Variants in ZNF81 observed in about 807,000 individuals in gnomAD.
ZNF81 encodes zinc finger protein 81 (HFZ20).
In ZNF81, 5 loss-of-function variants were observed where a neutral mutation model predicts 32.3. The observed-to-expected ratio is 0.15, with a 90% CI of 0.08 to 0.33. ZNF81 has a LOEUF of 0.33. Ranked by LOEUF, ZNF81 falls within the 10% of genes least tolerant of loss-of-function variation. ZNF81 has a pLI of 1.00. For synonymous variants in ZNF81, 163 were observed against 166.8 expected, an observed-to-expected ratio of 0.98 and a Z score of 0.17; for missense variants, 379 against 479.8, an observed-to-expected ratio of 0.79 and a Z score of 1.96.
At chrX:47,870,924 C>A (rs1329724034) in intron 2 of ZNF81, among the ~76,000 whole-genome samples, 2 of 112,122 alleles carry the variant, frequency 1.8e-5, no homozygotes, top group African/African-American at 6.5e-5. Context: ...TAAATAAAGA[C>A]CAAGGAGTAG....
At position 47,846,187 on chromosome X, in the gene ZNF81, C is replaced by A. The variant is rs191890392; in HGVS notation, c.-81C>A. On this transcript the variant is annotated 5_prime_UTR_variant, in exon 2 of 5. Transcript: ENST00000338637. ...TCTTCCTTCTGACCCCAGCAGTCCC[C>A]GTTGAGTCCACCGATCCCACTGGAA... is the stretch of plus-strand genomic sequence containing the variant. 2.7e-6 allele frequency: 3 copies of A among 1,101,966 alleles called. No individual in the cohort carries two copies. In the East Asian group the frequency reaches 9.5e-5, roughly 35 times the overall value. 90.8% of individuals were successfully genotyped at this position (1,101,966 alleles called of 1,213,427 possible). A position where few individuals can be genotyped will look rare whatever the true frequency, so the allele number is the denominator to read the frequency against.
Position 47,915,469 on chromosome X carries a change from A to T in ZNF81, c.823A>T (p.Thr275Ser). Residue 275 changes from threonine (T) to serine (S), a missense_variant, in exon 5 of 5, where the codon ACA (threonine) becomes TCA (serine). Around this residue, in one of 2 missense-constraint regions of ZNF81, gnomAD observed 277 missense variants for 306.6 expected, o/e 0.90. Transcript: ENST00000338637. ...VKFPIGEKAN[T>S]CTEFGKIFTQ... ...ATTTCCCATTGGAGAGAAAGCAAAC[A>T]CATGTACTGAATTTGGGAAGATCTT... 3 of 1,211,603 alleles carry T rather than the reference A, an allele frequency of 2.5e-6. No homozygotes were observed. The highest frequency in any genetic ancestry group is 3.4e-6 in the Non-Finnish European group (3 of 895,451).
At chrX:47,898,136 C>T (rs1373867962) in intron 4 of ZNF81, among the ~76,000 whole-genome samples, 1 of 111,286 alleles carries the variant, frequency 9.0e-6, no homozygotes, top group Non-Finnish European at 1.9e-5. Flanking sequence ...TTAAGATTGG[C>T]TAGTTTGGAT....
intron 3 of ZNF81, 70 bp downstream of exon 3, chrX:47,888,195 T>C (rs1334944164): frequency 2.6e-6 from 3 of 1,151,456 alleles, no homozygotes; most frequent in Middle Eastern, 5.5e-4. Flanking sequence ...AAATAAAATA[T>C]GTTGAAGTCC....
intron 1 of ZNF81, among the ~76,000 whole-genome samples, chrX:47,839,149 C>T (rs2058436684): frequency 9.0e-6 from 1 of 111,476 alleles, no homozygotes; most frequent in Admixed American, 9.5e-5. Flanking sequence ...ATTTCCTCCT[C>T]TTCTGTTTTC....
intron 2 of ZNF81, among the ~76,000 whole-genome samples, chrX:47,858,300 A>C (rs1344299699): frequency 8.9e-6 from 1 of 112,084 alleles, no homozygotes; most frequent in Non-Finnish European, 1.9e-5. Flanking sequence ...TTCCTTCCCC[A>C]AACTCACCCT....
chrX:47,851,036 T>C (rs1556881181), intron 2 of ZNF81, among the ~76,000 whole-genome samples: 1 of 111,711 alleles, frequency 9.0e-6, no homozygotes, highest in Admixed American at 9.6e-5. Flanking sequence ...GATTATTCAG[T>C]GTCACTACAT....
At chrX:47,873,823 T>C (rs1252316909) in intron 2 of ZNF81, among the ~76,000 whole-genome samples, 1 of 110,790 alleles carries the variant, frequency 9.0e-6, no homozygotes, top group Non-Finnish European at 1.9e-5. Flanking sequence ...TGTGCCACCA[T>C]GCCTGGCTAA....
chrX:47,918,180 G>A lies in ZNF81; in HGVS notation c.*1548G>A, dbSNP rs1374967456. 9.0e-6 allele frequency: 1 copy of A among 110,900 alleles called. No homozygotes were observed. The highest frequency in any genetic ancestry group is 1.9e-5 in the Non-Finnish European group (1 of 53,049). 9.1% of individuals were successfully genotyped at this position (110,900 alleles called of 1,213,427 possible). A position where few individuals can be genotyped will look rare whatever the true frequency, so the allele number is the denominator to read the frequency against. On this transcript the variant is annotated 3_prime_UTR_variant, in exon 5 of 5. Coordinates refer to ENST00000338637, the MANE Select transcript of ZNF81 (RefSeq NM_007137.5). ...AAAGAAATAACTGTTTCTTTGGCAA[G>A]CAGAATTCAGAAGAAATATGGAAAA...
intron 1 of ZNF81, among the ~76,000 whole-genome samples, chrX:47,843,265 A>C (rs1052164240): frequency 1.5e-4 from 17 of 111,506 alleles, no homozygotes; most frequent in Non-Finnish European, 3.2e-4. Context: ...CTTTTTGGCT[A>C]TTATGGATAA....
At chrX:47,886,194 C>T (rs2058641012) in intron 2 of ZNF81, among the ~76,000 whole-genome samples, 4 of 112,320 alleles carry the variant, frequency 3.6e-5, no homozygotes, top group African/African-American at 9.7e-5. Flanking sequence ...TGCATTTTCT[C>T]TTGAGCCTCT....
At chrX:47,854,729 C>T (rs1192721612) in intron 2 of ZNF81, among the ~76,000 whole-genome samples, 1 of 111,722 alleles carries the variant, frequency 9.0e-6, no homozygotes, top group Admixed American at 9.5e-5. Context: ...ATCTTCTATG[C>T]GCATGGTTCG....
rs2148046144 is a variant in ZNF81 at position 47,916,272 on chromosome X, T to C, written c.1626T>C (p.Asn542=). ...CCTTCACCGACAGGTCAAATTTCAA[T>C]AAACACCAGACCATTCACACTGGAG... ...GKAFTDRSNF[N]KHQTIHTGEK... is the part of the protein sequence containing the mutation. Residue 542 remains asparagine (N), a synonymous_variant, in exon 5 of 5, where the codon AAT becomes AAC. Transcript: ENST00000338637. 1.7e-6 allele frequency: 2 copies of C among 1,211,562 alleles called. No individual in the cohort carries two copies. Among genetic ancestry groups the C allele is most frequent in the East Asian group, 5.9e-5 (2 of 33,833 alleles).
intron 2 of ZNF81, among the ~76,000 whole-genome samples, chrX:47,863,688 T>A (rs2058549766): frequency 8.9e-6 from 1 of 112,003 alleles, no homozygotes; most frequent in African/African-American, 3.2e-5. Context: ...GCAAGAGGTG[T>A]TAGCTATGGT....
intron 2 of ZNF81, among the ~76,000 whole-genome samples, chrX:47,873,390 T>C (rs2058587524): frequency 9.0e-6 from 1 of 111,669 alleles, no homozygotes; most frequent in Admixed American, 9.5e-5. Context: ...TTCACTAGTT[T>C]CCACCCCTGA....
chrX:47,870,899 A>G (rs1306340258), intron 2 of ZNF81, among the ~76,000 whole-genome samples: 3 of 112,505 alleles, frequency 2.7e-5, no homozygotes, highest in Non-Finnish European at 5.6e-5. Flanking sequence ...TGTTGCTGAC[A>G]CAATACTAAC....
chrX:47,903,010 C>T (rs781964227), intron 4 of ZNF81, among the ~76,000 whole-genome samples: 3 of 112,158 alleles, frequency 2.7e-5, no homozygotes, highest in South Asian at 3.7e-4. Flanking sequence ...AATTCAACAA[C>T]CCTTAAGGCT....
intron 4 of ZNF81, among the ~76,000 whole-genome samples, chrX:47,906,818 A>T (rs1192994028): frequency 8.9e-6 from 1 of 112,856 alleles, no homozygotes; most frequent in Non-Finnish European, 1.9e-5. Flanking sequence ...CTCCACCTCA[A>T]AAAATAAAAT....
intron 4 of ZNF81, among the ~76,000 whole-genome samples, chrX:47,914,337 A>T (rs189229512): frequency 8.9e-6 from 1 of 112,217 alleles, no homozygotes; most frequent in Non-Finnish European, 1.9e-5. Flanking sequence ...AAATGAATTC[A>T]TATGTACAGT....
Sources: allele counts gnomAD v4.1 joint callset (sites outside exome capture counted in the v4.1 genomes callset), GRCh38; gene constraint gnomAD v4.1.1; regional missense constraint gnomAD v4.1.1; transcripts MANE v1.5; gene names NCBI Gene and HGNC (gene_info 2026-07-23, HGNC 2026-07-21).